The following PCDH15 variants were observed in gnomAD, a reference collection of about 807,000 sequenced individuals.
PCDH15 encodes protocadherin-15.
A neutral mutation model predicts 178.5 loss-of-function variants in PCDH15; 129 were observed. The ratio of observed to expected loss-of-function variants is 0.72; its 90% confidence interval spans 0.63 to 0.84. The LOEUF (loss-of-function observed/expected upper bound fraction) is 0.84. Ranked by LOEUF, PCDH15 falls within the 40% of genes least tolerant of loss-of-function variation. The pLI, the probability that PCDH15 is intolerant of heterozygous loss-of-function variation, is 0.00. For missense variants in PCDH15, 2,230 were observed against 2,099.9 expected (o/e 1.06, Z -1.21); for synonymous variants, 800 against 732.0 (o/e 1.09, Z -1.50).
chr10:54,444,618 TA>T (rs2076035087), intron 3 of PCDH15, among the ~76,000 whole-genome samples: 1 of 151,726 alleles, frequency 6.6e-6, no homozygotes. Flanking sequence ...AACTCTAAGC[TA>T]AAACACTCAT....
At chr10:55,253,105 T>C (rs1394536243) in intron 1 of PCDH15, among the ~76,000 whole-genome samples, 1 of 152,086 alleles carries the variant, frequency 6.6e-6, no homozygotes, top group Non-Finnish European at 1.5e-5. Flanking sequence ...AAGTTTCAAT[T>C]ATTTGTAGAG....
chr10:53,865,576 T>C (rs970599581), intron 27 of PCDH15, among the ~76,000 whole-genome samples: 1 of 152,214 alleles, frequency 6.6e-6, no homozygotes, highest in African/African-American at 2.4e-5. Context: ...CGATCTTAAT[T>C]TGATCAAAAA....
intron 1 of PCDH15, among the ~76,000 whole-genome samples, chr10:55,169,643 A>C (rs1352951837): frequency 6.6e-6 from 1 of 152,182 alleles, no homozygotes. Context: ...GTGAAGCCAT[A>C]ATTAAACACT....
At chr10:54,852,496 T>C (rs923641888) in intron 3 of PCDH15, among the ~76,000 whole-genome samples, 2 of 152,150 alleles carry the variant, frequency 1.3e-5, no homozygotes, top group African/African-American at 4.8e-5. Flanking sequence ...ATATCTGAGC[T>C]TTCTGCCAAA....
intron 2 of PCDH15, among the ~76,000 whole-genome samples, chr10:55,363,100 C>A (rs1031518938): frequency 6.6e-6 from 1 of 152,176 alleles, no homozygotes; most frequent in Non-Finnish European, 1.5e-5. Context: ...GAACTGGAGT[C>A]ATTTCTTATG....
intron 2 of PCDH15, among the ~76,000 whole-genome samples, chr10:55,371,646 C>T (rs1845511651): frequency 6.6e-6 from 1 of 152,026 alleles, no homozygotes; most frequent in Non-Finnish European, 1.5e-5. Flanking sequence ...TAAAGACATG[C>T]TTGCTTCCCC....
At chr10:55,586,633 CA>C (rs1387483918) in intron 2 of PCDH15, among the ~76,000 whole-genome samples, 1 of 151,962 alleles carries the variant, frequency 6.6e-6, no homozygotes, top group Non-Finnish European at 1.5e-5. Context: ...CAAATGTGTC[CA>C]AAAAGTCTGT....
intron 26 of PCDH15, among the ~76,000 whole-genome samples, chr10:53,890,522 G>A (rs1358817859): frequency 6.6e-6 from 1 of 152,168 alleles, no homozygotes. Flanking sequence ...ATTACTATGA[G>A]CCTCACTGAC....
rs189041619 is a variant in PCDH15 at position 54,308,143 on chromosome 10, C to T, written c.876+9128G>A. On this transcript the variant is annotated intron_variant, in intron 8 of 37. Coordinates refer to ENST00000644397, the MANE Select transcript of PCDH15 (RefSeq NM_001384140.1). ...CTGAGTGCTTACAAACTATCTTACG[C>T]TGTGATGGTAAACATCTTTGCAAAT... 2.1e-3 allele frequency among the ~76,000 whole-genome samples: 327 copies of T among 152,172 alleles called. 1 individual carries two copies. Among genetic ancestry groups the T allele is most frequent in the African/African-American group, 5.5e-3 (230 of 41,532 alleles).
chr10:55,372,738 A>G (rs1845537396), intron 2 of PCDH15, among the ~76,000 whole-genome samples: 1 of 152,128 alleles, frequency 6.6e-6, no homozygotes, highest in South Asian at 2.1e-4. Context: ...TCATATCACC[A>G]GGGCCTCTTA....
chr10:54,636,135 A>T (rs2093847430), intron 2 of PCDH15, among the ~76,000 whole-genome samples: 1 of 151,958 alleles, frequency 6.6e-6, no homozygotes, highest in South Asian at 2.1e-4. Context: ...ATTTTTTCCT[A>T]GTATTAATAT....
intron 1 of PCDH15, among the ~76,000 whole-genome samples, chr10:54,766,526 T>C (rs1042720869): frequency 3.3e-5 from 5 of 150,490 alleles, no homozygotes; most frequent in African/African-American, 1.2e-4. Flanking sequence ...ATTCCCCAGG[T>C]GAATGCAATT....
chr10:54,297,173 G>C (rs193272070), intron 8 of PCDH15, among the ~76,000 whole-genome samples: 99 of 152,136 alleles, frequency 6.5e-4, no homozygotes, highest in Non-Finnish European at 1.2e-3. Context: ...GGCAGGGGGA[G>C]AAACAAACAA....
chr10:54,575,086 TG>T (rs2133666587), intron 2 of PCDH15, among the ~76,000 whole-genome samples: 1 of 131,932 alleles, frequency 7.6e-6, no homozygotes, highest in South Asian at 2.7e-4. Context: ...CACTCATAGG[TG>T]GGAATTGAAC....
chr10:55,209,468 G>T (rs1462424503), intron 1 of PCDH15, among the ~76,000 whole-genome samples: 4 of 152,064 alleles, frequency 2.6e-5, no homozygotes, highest in Admixed American at 2.6e-4. Context: ...CTATGGTAAA[G>T]GACGATGTGA....
chr10:55,316,107 G>A (rs1843715912), intron 1 of PCDH15, among the ~76,000 whole-genome samples: 1 of 152,108 alleles, frequency 6.6e-6, no homozygotes, highest in African/African-American at 2.4e-5. Flanking sequence ...TTTTGTAAAT[G>A]AGTATATGTC....
chr10:55,432,382 G>A (rs1838903179), intron 2 of PCDH15, among the ~76,000 whole-genome samples: 1 of 152,124 alleles, frequency 6.6e-6, no homozygotes, highest in Non-Finnish European at 1.5e-5. Flanking sequence ...GCTATGGAAG[G>A]CATTGCAGGG....
intron 2 of PCDH15, among the ~76,000 whole-genome samples, chr10:55,417,686 G>C (rs1838517739): frequency 6.6e-6 from 1 of 150,860 alleles, no homozygotes; most frequent in Non-Finnish European, 1.5e-5. Flanking sequence ...TTTTCAAACA[G>C]ACAAGGACTC....
At chr10:54,734,007 A>C (rs936046052) in intron 1 of PCDH15, among the ~76,000 whole-genome samples, 2 of 151,676 alleles carry the variant, frequency 1.3e-5, no homozygotes, top group African/African-American at 4.8e-5. Context: ...AAACAAAGAA[A>C]ATTTGGAACA....
Sources: allele counts gnomAD v4.1 joint callset (sites outside exome capture counted in the v4.1 genomes callset), GRCh38; gene constraint gnomAD v4.1.1; transcripts MANE v1.5; gene names NCBI Gene and HGNC (gene_info 2026-07-23, HGNC 2026-07-21).